Variants in GSK3B observed in about 807,000 individuals in gnomAD.
GSK3B encodes the protein glycogen synthase kinase 3 beta.
A neutral mutation model predicts 56.4 loss-of-function variants in GSK3B; 15 were observed. The ratio of observed to expected loss-of-function variants is 0.27; its 90% CI spans 0.18 to 0.41. The LOEUF (loss-of-function observed/expected upper bound fraction) is 0.41, where lower values mean the gene tolerates loss of function less well. Ranked by LOEUF, GSK3B falls within the 10% of genes least tolerant of loss-of-function variation. GSK3B has a pLI of 1.00. For synonymous variants in GSK3B, 181 were observed against 188.9 expected (o/e 0.96, Z 0.34); for missense variants, 300 against 513.4 (o/e 0.58, Z 4.02).
intron 7 of GSK3B, among the ~76,000 whole-genome samples, chr3:119,900,245 C>A (rs539914720): frequency 2.6e-5 from 4 of 151,984 alleles, no homozygotes; most frequent in Non-Finnish European, 4.4e-5. Context: ...ACTATGAAAG[C>A]TATACTGAAA....
chr3:120,028,965 T>G (rs1424295560), intron 1 of GSK3B: 1 of 573,428 alleles, frequency 1.7e-6, no homozygotes, highest in Non-Finnish European at 3.2e-6. Context: ...ACAAGAGAAG[T>G]GCTTTGGTTC....
intron 8 of GSK3B, among the ~76,000 whole-genome samples, chr3:119,867,793 A>AT (rs1045166972): frequency 1.9e-4 from 29 of 152,250 alleles, no homozygotes; most frequent in African/African-American, 6.5e-4. Context: ...GGAATTAAAT[A>AT]TTTTTCAAAA....
chr3:119,937,531 A>C (rs1341338830), intron 3 of GSK3B, among the ~76,000 whole-genome samples: 1 of 152,080 alleles, frequency 6.6e-6, no homozygotes, highest in African/African-American at 2.4e-5. Context: ...GTATTCCTTT[A>C]TAGCAGCACT....
intron 1 of GSK3B, among the ~76,000 whole-genome samples, chr3:120,076,543 C>T (rs569517596): frequency 3.0e-4 from 46 of 152,178 alleles, no homozygotes; most frequent in African/African-American, 8.7e-4. Flanking sequence ...CGGCTGGGCG[C>T]GGTGGCTCAC....
chr3:120,085,548 G>C (rs1247318733), intron 1 of GSK3B, among the ~76,000 whole-genome samples: 1 of 152,204 alleles, frequency 6.6e-6, no homozygotes, highest in Non-Finnish European at 1.5e-5. Flanking sequence ...AACTGATTTT[G>C]CTGTACTTTG....
intron 2 of GSK3B, among the ~76,000 whole-genome samples, chr3:119,990,689 G>A (rs943728903): frequency 6.6e-5 from 10 of 152,214 alleles, no homozygotes; most frequent in African/African-American, 2.4e-4. Context: ...AGCACTTTGG[G>A]AGACTGAGGT....
intron 9 of GSK3B, among the ~76,000 whole-genome samples, chr3:119,853,508 G>A (rs1224772190): frequency 6.6e-6 from 1 of 152,084 alleles, no homozygotes; most frequent in African/African-American, 2.4e-5. Context: ...AAATTACCTT[G>A]GGCAGTAGGG....
chr3:119,956,943 T>C (rs971980467), intron 2 of GSK3B, among the ~76,000 whole-genome samples: 2 of 152,224 alleles, frequency 1.3e-5, no homozygotes, highest in African/African-American at 4.8e-5. Context: ...TCAGACAATA[T>C]TTATAAGAAT....
At chr3:119,915,811 A>T (rs186783947) in intron 5 of GSK3B, among the ~76,000 whole-genome samples, 57 of 152,276 alleles carry the variant, frequency 3.7e-4, no homozygotes, top group African/African-American at 1.3e-3. Flanking sequence ...TGTATTGTAA[A>T]TATGTATTCC....
chr3:119,975,220 G>A (rs1173916362), intron 2 of GSK3B, among the ~76,000 whole-genome samples: 1 of 152,230 alleles, frequency 6.6e-6, no homozygotes, highest in Non-Finnish European at 1.5e-5. Flanking sequence ...GCCGAGGCAG[G>A]TGGATCACCT....
intron 6 of GSK3B, among the ~76,000 whole-genome samples, chr3:119,911,038 G>T (rs371378343): frequency 5.6e-4 from 85 of 152,268 alleles, no homozygotes; most frequent in Admixed American, 9.2e-4. Flanking sequence ...CACCCATGAG[G>T]CTTGGAATCA....
chr3:119,956,023 G>A lies in GSK3B; in HGVS notation c.283-8672C>T, dbSNP rs554371528. Among the ~76,000 whole-genome samples, 31 of 125,260 alleles carry A rather than the reference G, an allele frequency of 2.5e-4. No individual in the cohort carries two copies. The South Asian group carries it at 5.9e-3, about 24-fold the overall frequency. 82.2% of individuals were successfully genotyped at this position (125,260 alleles called of 152,430 possible). On this transcript the variant is annotated intron_variant, in intron 2 of 10. Coordinates refer to ENST00000264235, the MANE Select transcript of GSK3B (RefSeq NM_001146156.2). ...TGAAAAAAAATGTTACAAAGGTGGC[G>A]GCGGATAAAACTAGGATCTACACTA...
At chr3:120,089,513 T>C (rs938744031) in intron 1 of GSK3B, among the ~76,000 whole-genome samples, 1 of 152,182 alleles carries the variant, frequency 6.6e-6, no homozygotes, top group African/African-American at 2.4e-5. Flanking sequence ...CTACCTACTC[T>C]TTGGCTTTAA....
At chr3:119,939,535 C>T (rs866260749) in intron 3 of GSK3B, among the ~76,000 whole-genome samples, 1 of 152,018 alleles carries the variant, frequency 6.6e-6, no homozygotes, top group Non-Finnish European at 1.5e-5. Flanking sequence ...CCCATATTGT[C>T]TCTTCTAATT....
In GSK3B at chr3:120,029,570, G is replaced by A. The variant is rs1003051476; in HGVS notation, c.89-27331C>T. On this transcript the variant is annotated intron_variant, in intron 1 of 10. Coordinates refer to ENST00000264235, the MANE Select transcript of GSK3B (RefSeq NM_001146156.2). The stretch of plus-strand genomic sequence containing the variant: ...CACTTGGTGCATCTGGCACCATCAT[G>A]ATGGTCTTTGCAGCTGTCTGCACTA... The A allele has an allele frequency of 7.4e-5, 44 of 594,722 alleles. No homozygotes were observed. The East Asian group carries it at 1.4e-3, about 19-fold the overall frequency. 36.8% of individuals were successfully genotyped at this position (594,722 alleles called of 1,614,324 possible).
intron 7 of GSK3B, among the ~76,000 whole-genome samples, chr3:119,880,694 AAAAAGGTGACTGT>A (rs1424447164): frequency 2.0e-5 from 3 of 152,166 alleles, no homozygotes; most frequent in Non-Finnish European, 4.4e-5. Flanking sequence ...GAAAGAAAAT[AAAAAGGTGACTGT>A]AAAAATAATC....
chr3:119,935,645 ACT>A (rs1352517558), intron 3 of GSK3B, among the ~76,000 whole-genome samples: 1 of 152,192 alleles, frequency 6.6e-6, no homozygotes, highest in Admixed American at 6.5e-5. Context: ...TCAGTTCTAC[ACT>A]GTTTATCTAA....
chr3:119,893,915 A>C lies in GSK3B; in HGVS notation c.813+11840T>G, dbSNP rs533326096. On this transcript the variant is annotated intron_variant, in intron 7 of 10. Transcript: ENST00000264235. ...TTTACTGTACTTCATGTATCATGAA[A>C]CCCACCCCTTATACAACTGAGTGAT... 1.3e-3 allele frequency among the ~76,000 whole-genome samples: 195 copies of C among 152,174 alleles called. 2 individuals are homozygous for C. The highest frequency in any genetic ancestry group is 4.4e-3 in the African/African-American group (183 of 41,528).
intron 1 of GSK3B, among the ~76,000 whole-genome samples, chr3:120,072,458 G>A (rs1164349105): frequency 6.6e-6 from 1 of 151,788 alleles, no homozygotes; most frequent in African/African-American, 2.4e-5. Context: ...ATGGTGGTAC[G>A]TGCCTGTAAT....
Sources: allele counts gnomAD v4.1 joint callset (sites outside exome capture counted in the v4.1 genomes callset), GRCh38; gene constraint gnomAD v4.1.1; transcripts MANE v1.5; gene names NCBI Gene and HGNC (gene_info 2026-07-23, HGNC 2026-07-21).